HS3ST5: variants seen among roughly 807,000 people sequenced by gnomAD.
The protein encoded by HS3ST5 is heparan sulfate-glucosamine 3-sulfotransferase 5.
HS3ST5 carries 10 observed loss-of-function variants against 25.4 expected under a neutral mutation model. The observed-to-expected ratio is 0.39, with a 90% CI of 0.24 to 0.67. The LOEUF is 0.67. Among genes scored for constraint, HS3ST5 ranks in the 30% least tolerant of loss-of-function variants. HS3ST5 has a pLI of 0.44. For missense variants in HS3ST5, 324 were observed against 420.7 expected, an observed-to-expected ratio of 0.77 and a Z score of 2.01; for synonymous variants, 170 against 162.4, an observed-to-expected ratio of 1.05 and a Z score of -0.36.
At chr6:114,137,857 T>C (rs1777705316) in intron 3 of HS3ST5, among the ~76,000 whole-genome samples, 1 of 152,212 alleles carries the variant, frequency 6.6e-6, no homozygotes, top group Admixed American at 6.5e-5. Flanking sequence ...TGATGACTAA[T>C]TGGTGGCACT....
intron 3 of HS3ST5, among the ~76,000 whole-genome samples, chr6:114,092,217 A>AC: frequency 6.6e-6 from 1 of 152,210 alleles, no homozygotes; most frequent in South Asian, 2.1e-4. Context: ...TAGTGACATA[A>AC]CCCATGCCTA....
At position 114,106,319 on chromosome 6, in the gene HS3ST5, A is replaced by C. The variant is rs538710913; in HGVS notation, c.-32-43442T>G. On this transcript the variant is annotated intron_variant, in intron 3 of 4. Coordinates refer to ENST00000312719, the MANE Select transcript of HS3ST5 (RefSeq NM_153612.4). ...AATGATAAAATACTGTCACTTAGGAAAAGGATAACAAATTAAGAAATACTA... is the reference window on the plus strand; with the variant it reads ...AATGATAAAATACTGTCACTTAGGACAAGGATAACAAATTAAGAAATACTA... Among the ~76,000 whole-genome samples, 6 of 152,260 alleles carry C rather than the reference A, an allele frequency of 3.9e-5. No homozygotes were observed. In the East Asian group the frequency reaches 1.2e-3, roughly 29 times the overall value.
chr6:114,211,249 C>T (rs984068121), intron 2 of HS3ST5, among the ~76,000 whole-genome samples: 16 of 152,152 alleles, frequency 1.1e-4, no homozygotes, highest in Non-Finnish European at 2.4e-4. Context: ...CTAAGTTCCT[C>T]CCAATTTACT....
In HS3ST5 at chr6:114,267,189, G is replaced by A. The variant is rs785127; in HGVS notation, c.-338-38411C>T. On this transcript the variant is annotated intron_variant, in intron 1 of 4. Transcript: ENST00000312719. Reference sequence around the variant, plus strand: ...TAATTTAATAATGATAAGAATGGAAGTGATAAAAATGAGTCTATGTGATAA... The same window carrying A: ...TAATTTAATAATGATAAGAATGGAAATGATAAAAATGAGTCTATGTGATAA... Among the ~76,000 whole-genome samples, 472 of 152,264 alleles carry A rather than the reference G, an allele frequency of 3.1e-3. 6 individuals carry two copies. Among genetic ancestry groups the A allele is most frequent in the African/African-American group, 0.011 (452 of 41,548 alleles).
At chr6:114,089,456 G>A (rs372551049) in intron 3 of HS3ST5, among the ~76,000 whole-genome samples, 3 of 152,020 alleles carry the variant, frequency 2.0e-5, no homozygotes, top group Non-Finnish European at 4.4e-5. Context: ...CTATCCTTTC[G>A]TGTCCTGGTC....
intron 1 of HS3ST5, among the ~76,000 whole-genome samples, chr6:114,257,434 C>A (rs1035248360): frequency 6.6e-6 from 1 of 152,094 alleles, no homozygotes; most frequent in South Asian, 2.1e-4. Context: ...CAGAGAAGAA[C>A]ACTAAGGTTC....
intron 1 of HS3ST5, among the ~76,000 whole-genome samples, chr6:114,299,253 G>T (rs1013380977): frequency 6.6e-6 from 1 of 152,086 alleles, no homozygotes; most frequent in African/African-American, 2.4e-5. Context: ...GGCTTATTAG[G>T]ACAAGGAAAT....
intron 1 of HS3ST5, among the ~76,000 whole-genome samples, chr6:114,326,389 CAAACA>C (rs57982006): frequency 6.6e-6 from 1 of 151,756 alleles, no homozygotes; most frequent in East Asian, 1.9e-4. Context: ...GACTCTGTCT[CAAACA>C]AAACAAAACA....
At chr6:114,189,598 T>C (rs1222512589) in intron 2 of HS3ST5, among the ~76,000 whole-genome samples, 2 of 152,182 alleles carry the variant, frequency 1.3e-5, no homozygotes, top group East Asian at 3.8e-4. Context: ...ATCTTTACTT[T>C]TATCTTATAT....
chr6:114,232,586 T>A (rs1262649900), intron 1 of HS3ST5, among the ~76,000 whole-genome samples: 1 of 152,178 alleles, frequency 6.6e-6, no homozygotes, highest in Non-Finnish European at 1.5e-5. Flanking sequence ...CATAAAAACC[T>A]TCCTCTTAAA....
intron 1 of HS3ST5, among the ~76,000 whole-genome samples, chr6:114,335,261 CT>C (rs1356997081): frequency 6.6e-6 from 1 of 150,644 alleles, no homozygotes. Context: ...AAGACCTATA[CT>C]GCTTGATACA....
intron 4 of HS3ST5, among the ~76,000 whole-genome samples, chr6:114,059,944 C>T (rs1035838737): frequency 2.6e-5 from 4 of 152,112 alleles, no homozygotes; most frequent in African/African-American, 9.7e-5. Flanking sequence ...CTACTTTTCA[C>T]GATGTTTCTT....
intron 3 of HS3ST5, among the ~76,000 whole-genome samples, chr6:114,098,566 A>G (rs1775563891): frequency 6.7e-6 from 1 of 148,814 alleles, no homozygotes; most frequent in East Asian, 1.9e-4. Context: ...TAAATTATAT[A>G]TTTGAAAATG....
intron 1 of HS3ST5, among the ~76,000 whole-genome samples, chr6:114,232,683 A>G (rs1192573421): frequency 6.6e-6 from 1 of 152,200 alleles, no homozygotes; most frequent in Non-Finnish European, 1.5e-5. Flanking sequence ...TCAACCCTTT[A>G]AAAAGGAATC....
chr6:114,283,260 T>C (rs1016087178), intron 1 of HS3ST5, among the ~76,000 whole-genome samples: 2 of 152,014 alleles, frequency 1.3e-5, no homozygotes, highest in Non-Finnish European at 2.9e-5. Flanking sequence ...ATTTTTTAGG[T>C]TTTGAGCTGT....
At chr6:114,189,119 T>G (rs570683224) in intron 2 of HS3ST5, among the ~76,000 whole-genome samples, 1 of 152,266 alleles carries the variant, frequency 6.6e-6, no homozygotes, top group Admixed American at 6.5e-5. Context: ...TTCTGAATCT[T>G]ATGTATATAA....
intron 1 of HS3ST5, among the ~76,000 whole-genome samples, chr6:114,328,525 A>G (rs1238695284): frequency 4.6e-5 from 7 of 152,214 alleles, no homozygotes; most frequent in Non-Finnish European, 4.4e-5. Context: ...AACACTTTAC[A>G]GCTACTGTCT....
At chr6:114,295,414 A>G (rs149431408) in intron 1 of HS3ST5, among the ~76,000 whole-genome samples, 1 of 152,318 alleles carries the variant, frequency 6.6e-6, no homozygotes, top group East Asian at 1.9e-4. Flanking sequence ...TGAGGGTAAT[A>G]AGACCAAAGA....
chr6:114,276,894 A>T (rs72956220), intron 1 of HS3ST5, among the ~76,000 whole-genome samples: 11,683 of 152,044 alleles, frequency 0.077, 548 homozygotes, highest in African/African-American at 0.14. Context: ...TAAGGAAATA[A>T]TGGAACGATG....
Sources: gnomAD v4.1 joint callset for allele counts (sites outside exome capture counted in the v4.1 genomes callset) on GRCh38, gnomAD v4.1.1 for gene constraint, MANE v1.5 for transcripts, NCBI Gene and HGNC (gene_info 2026-07-23, HGNC 2026-07-21) for gene names.